Variants in NFATC1 observed in about 807,000 individuals in gnomAD.
NFATC1 encodes nuclear factor of activated T-cells, cytoplasmic 1.
In NFATC1, 22 loss-of-function variants were observed where a neutral mutation model predicts 76.0. The observed-to-expected ratio is 0.29, with a 90% CI of 0.21 to 0.41. The LOEUF (loss-of-function observed/expected upper bound fraction) is 0.41. Ranked by LOEUF, NFATC1 falls within the 10% of genes least tolerant of loss-of-function variation. The pLI is 1.00. For synonymous variants in NFATC1, 704 were observed against 613.1 expected, an observed-to-expected ratio of 1.15 and a Z score of -2.19; for missense variants, 1,357 against 1,337.7, an observed-to-expected ratio of 1.01 and a Z score of -0.23.
intron 2 of NFATC1, chr18:79,422,090 C>T (rs903824253): frequency 2.0e-5 from 3 of 152,170 alleles, no homozygotes; most frequent in African/African-American, 7.2e-5. Flanking sequence ...CAGTGAACAT[C>T]CAGAATGCCG....
At chr18:79,506,369 T>C (rs1266324152) in intron 9 of NFATC1, among the ~76,000 whole-genome samples, 18 of 152,178 alleles carry the variant, frequency 1.2e-4, no homozygotes. Context: ...TCCCCCCATC[T>C]TCCCACCTCC....
At chr18:79,403,978 C>G (rs2085351467) in intron 1 of NFATC1, among the ~76,000 whole-genome samples, 1 of 152,190 alleles carries the variant, frequency 6.6e-6, no homozygotes, top group African/African-American at 2.4e-5. Flanking sequence ...CCATGCACAG[C>G]TCATCCCCTG....
chr18:79,434,917 G>A (rs925039066), intron 3 of NFATC1, among the ~76,000 whole-genome samples: 2 of 152,198 alleles, frequency 1.3e-5, no homozygotes, highest in African/African-American at 4.8e-5. Context: ...TCCCTCGTTG[G>A]TGCTTGAAGC....
rs2085602347 is a variant in NFATC1, at chr18:79,409,968, G to A, written c.128-435G>A. 4 of 525,688 alleles carry A rather than the reference G, an allele frequency of 7.6e-6. No individual in the cohort carries two copies. The East Asian group carries it at 1.6e-4, about 20-fold the overall frequency. 32.6% of individuals were successfully genotyped at this position (525,688 alleles called of 1,614,324 possible). On this transcript the variant is annotated intron_variant, in intron 1 of 9. Coordinates refer to ENST00000427363, the MANE Select transcript of NFATC1 (RefSeq NM_001278669.2). ...GTGTTGAGTTTGGGGTTTAAATGAAGATGGGGTGGTTGAGGAAGGTGGTTT... is the reference window on the plus strand; with the variant it reads ...GTGTTGAGTTTGGGGTTTAAATGAAAATGGGGTGGTTGAGGAAGGTGGTTT...
intron 3 of NFATC1, among the ~76,000 whole-genome samples, chr18:79,434,889 T>C (rs1312288836): frequency 6.6e-6 from 1 of 152,226 alleles, no homozygotes; most frequent in Non-Finnish European, 1.5e-5. Context: ...GCCTGTGTGC[T>C]TGATGCCAAT....
chr18:79,418,128 G>A lies in NFATC1; in HGVS notation c.1226+6627G>A, dbSNP rs1017744576. On this transcript the variant is annotated intron_variant, in intron 2 of 9. Transcript: ENST00000427363. ...CCTGCCTTCTTCCTCCCCTTCCTGTGGGTCTGCAGGGCTCGGGGTGTTGAT... is the reference window on the plus strand; with the variant it reads ...CCTGCCTTCTTCCTCCCCTTCCTGTAGGTCTGCAGGGCTCGGGGTGTTGAT... 2.6e-5 allele frequency among the ~76,000 whole-genome samples: 4 copies of A among 152,238 alleles called. No homozygotes were observed. In the East Asian group the frequency reaches 7.7e-4, roughly 29 times the overall value.
intron 9 of NFATC1, among the ~76,000 whole-genome samples, chr18:79,507,810 T>G (rs1381978155): frequency 2.0e-5 from 3 of 152,380 alleles, no homozygotes; most frequent in Non-Finnish European, 4.4e-5. Context: ...GCAGTGCTTT[T>G]ACGTGAGAAG....
Position 79,410,356 on chromosome 18 carries a change from G to C in NFATC1, c.128-47G>C. The C allele has an allele frequency of 6.4e-7, 1 of 1,555,346 alleles. No individual in the cohort carries two copies. The highest frequency in any genetic ancestry group is 1.2e-5 in the South Asian group (1 of 81,898). ...CCCTGAGTTCATGGGTTTCTGCTTT[G>C]TGATGCCCAGCCCCTCATGCTCCCA... is the stretch of plus-strand genomic sequence containing the variant. On this transcript the variant is annotated intron_variant, in intron 1 of 9. Transcript: ENST00000427363. The surrounding 1 kb of genome is among the most constrained non-coding windows in gnomAD (Gnocchi z 6.7).
chr18:79,504,784 TGGTG>T, intron 9 of NFATC1, among the ~76,000 whole-genome samples: 1 of 151,400 alleles, frequency 6.6e-6, no homozygotes, highest in Non-Finnish European at 1.5e-5. Context: ...TGGGAGGAGG[TGGTG>T]CTGGAGGCCC....
intron 2 of NFATC1, among the ~76,000 whole-genome samples, chr18:79,426,477 C>G (rs924126992): frequency 6.6e-6 from 1 of 152,328 alleles, no homozygotes; most frequent in South Asian, 2.1e-4. Context: ...ACCTGAGCCA[C>G]GAGCCACACT....
chr18:79,448,070 A>G (rs2087290257), intron 3 of NFATC1, among the ~76,000 whole-genome samples: 1 of 152,190 alleles, frequency 6.6e-6, no homozygotes, highest in Admixed American at 6.5e-5. Context: ...GTCCTGTCCC[A>G]GTGGTGTGGG....
chr18:79,448,993 CGGGGGACCTCCGGCCTCTGGCAG>C lies in NFATC1; in HGVS notation c.1589+14_1589+36del, dbSNP rs759063963. ...AACAGCATGCGAGCCGTGTAAGCCG[CGGGGGACCTCCGGCCTCTGGCAG>C]GGGGCGGTAGGAGGGGGCGTGCCTC... On this transcript the variant is annotated intron_variant, in intron 4 of 9. Transcript: ENST00000427363. The C allele has an allele frequency of 1.9e-6, 3 of 1,612,134 alleles. No homozygotes were observed. In the African/African-American group the frequency reaches 4.0e-5, roughly 22 times the overall value.
intron 9 of NFATC1, among the ~76,000 whole-genome samples, chr18:79,521,494 T>A (rs1265331903): frequency 7.8e-4 from 13 of 16,766 alleles, no homozygotes; most frequent in Admixed American, 7.9e-4. Context: ...GGGCATCCAC[T>A]GATGTGTGTG....
At chr18:79,472,433 C>G (rs1246109888) in intron 8 of NFATC1, among the ~76,000 whole-genome samples, 3 of 152,222 alleles carry the variant, frequency 2.0e-5, no homozygotes, top group Non-Finnish European at 4.4e-5. Flanking sequence ...CCGGCAGCCT[C>G]TCCTTCCCAG....
chr18:79,416,243 G>A (rs919478735), intron 2 of NFATC1, among the ~76,000 whole-genome samples: 4 of 152,206 alleles, frequency 2.6e-5, no homozygotes, highest in African/African-American at 9.7e-5. Context: ...TCACAATTTG[G>A]AATAAGATCA....
intron 7 of NFATC1, among the ~76,000 whole-genome samples, chr18:79,464,577 G>A (rs2088334818): frequency 6.8e-6 from 1 of 146,300 alleles, no homozygotes; most frequent in South Asian, 2.2e-4. Flanking sequence ...TGCTCCATTT[G>A]CTGCTGTGTG....
chr18:79,529,181 C>A lies in NFATC1; in HGVS notation c.*1604C>A, dbSNP rs1195480167. On this transcript the variant is annotated 3_prime_UTR_variant, in exon 10 of 10. Coordinates refer to ENST00000427363, the MANE Select transcript of NFATC1 (RefSeq NM_001278669.2). The stretch of plus-strand genomic sequence containing the variant: ...ACGTGTGGCCGCGTCCCACCTGCGG[C>A]TGGGTACCCTGCACCCGGCACTGTA... The A allele has an allele frequency of 6.6e-6, 1 of 152,274 alleles. No homozygotes were observed. The highest frequency in any genetic ancestry group is 1.5e-5 in the Non-Finnish European group (1 of 68,044). 9.4% of individuals were successfully genotyped at this position (152,274 alleles called of 1,614,324 possible).
intron 8 of NFATC1, chr18:79,468,123 T>A: frequency 3.0e-6 from 1 of 331,562 alleles, no homozygotes; most frequent in Non-Finnish European, 4.3e-6. Flanking sequence ...GGGCACCTTC[T>A]CCTCAACCTG....
At chr18:79,443,398 A>G (rs1027453091) in intron 3 of NFATC1, among the ~76,000 whole-genome samples, 3 of 152,216 alleles carry the variant, frequency 2.0e-5, no homozygotes, top group African/African-American at 4.8e-5. Context: ...TTCCTTCACC[A>G]GGCATGGTAG....
Sources: allele counts gnomAD v4.1 joint callset (sites outside exome capture counted in the v4.1 genomes callset), GRCh38; gene constraint gnomAD v4.1.1; non-coding constraint Gnocchi (gnomAD v3.1); transcripts MANE v1.5; gene names NCBI Gene and HGNC (gene_info 2026-07-23, HGNC 2026-07-21).